MYRIP: variants seen among roughly 807,000 people sequenced by gnomAD.
MYRIP encodes rab effector MyRIP.
Under a neutral mutation model 98.0 loss-of-function variants are expected in MYRIP, and 49 were observed. The ratio of observed to expected loss-of-function variants is 0.50; its 90% CI spans 0.40 to 0.63. The LOEUF is 0.63. Among genes scored for constraint, MYRIP ranks in the 30% least tolerant of loss-of-function variants. The probability of loss-of-function intolerance (pLI) is 0.00; values close to 1 mark genes in which losing one functional copy is unlikely to be tolerated. For synonymous variants in MYRIP, 404 were observed against 409.5 expected (o/e 0.99, Z 0.16); for missense variants, 1,004 against 1,058.2 (o/e 0.95, Z 0.71).
At chr3:39,884,716 A>G (rs1012424649) in intron 1 of MYRIP, among the ~76,000 whole-genome samples, 1 of 152,018 alleles carries the variant, frequency 6.6e-6, no homozygotes. Context: ...AAGTTCTTGA[A>G]GAACTTTCCA....
At chr3:39,883,405 T>C (rs914103853) in intron 1 of MYRIP, among the ~76,000 whole-genome samples, 2 of 152,062 alleles carry the variant, frequency 1.3e-5, no homozygotes, top group East Asian at 3.9e-4. Context: ...CAAGTGTAGA[T>C]GAGAAGAAAT....
rs114971007 is a variant in MYRIP at position 40,000,298 on chromosome 3, G to C, written c.111-43752G>C. Among the ~76,000 whole-genome samples, 833 of 152,112 alleles carry C rather than the reference G, an allele frequency of 5.5e-3. 2 individuals carry two copies. The highest frequency in any genetic ancestry group is 9.4e-3 in the Non-Finnish European group (640 of 67,980). ...ATTTGAGCTATTGTCAAAATATCAC[G>C]CACATGAAGACTGTTCTAAGTGACT... On this transcript the variant is annotated intron_variant, in intron 2 of 16. Transcript: ENST00000302541.
At chr3:40,111,976 G>C (rs1228977795) in intron 3 of MYRIP, among the ~76,000 whole-genome samples, 1 of 152,108 alleles carries the variant, frequency 6.6e-6, no homozygotes, top group Non-Finnish European at 1.5e-5. Flanking sequence ...GATCCCAAAG[G>C]TTCTTTCCTG....
At position 40,151,049 on chromosome 3, in the gene MYRIP, C is replaced by T. The variant is rs1361730588; in HGVS notation, c.334C>T (p.Leu112Phe). The change falls in exon 4 of 17, where the codon CTT becomes TTT. Residue 112 changes from leucine to phenylalanine, a missense_variant and splice_region_variant. Leu to Phe is a conservative substitution (Grantham distance 22, BLOSUM62 0). Coordinates refer to ENST00000302541, the MANE Select transcript of MYRIP (RefSeq NM_015460.4). ...WVCCVCQQAR[L>F]LRAQSLEWFY... is the part of the protein sequence containing the mutation. ...GTTGTCTAATTCTGTTTTCCTCAGG[C>T]TTCTGAGGGCCCAATCTCTGGAATG... 1.0e-5 allele frequency: 16 copies of T among 1,580,550 alleles called. No individual in the cohort carries two copies. The East Asian group carries it at 3.6e-4, about 36-fold the overall frequency.
At chr3:39,904,184 C>T (rs1355195280) in intron 2 of MYRIP, among the ~76,000 whole-genome samples, 1 of 152,112 alleles carries the variant, frequency 6.6e-6, no homozygotes, top group African/African-American at 2.4e-5. Context: ...TAGATCTTTT[C>T]CAAATTCTGC....
intron 2 of MYRIP, among the ~76,000 whole-genome samples, chr3:39,941,048 C>A (rs1284045820): frequency 2.0e-5 from 3 of 152,098 alleles, no homozygotes; most frequent in Non-Finnish European, 4.4e-5. Context: ...TCCTGCCCCA[C>A]ATCATTTACT....
chr3:40,116,825 A>G (rs1199122118), intron 3 of MYRIP, among the ~76,000 whole-genome samples: 4 of 152,222 alleles, frequency 2.6e-5, no homozygotes, highest in Non-Finnish European at 5.9e-5. Context: ...GTTTATGTGG[A>G]GAAGTTAAAG....
intron 2 of MYRIP, among the ~76,000 whole-genome samples, chr3:39,942,892 A>G (rs1348093024): frequency 6.6e-6 from 1 of 152,100 alleles, no homozygotes; most frequent in African/African-American, 2.4e-5. Flanking sequence ...CCCACATATG[A>G]TATGAGTGAG....
At chr3:40,171,086 C>G (rs548001041) in intron 8 of MYRIP, among the ~76,000 whole-genome samples, 2 of 152,086 alleles carry the variant, frequency 1.3e-5, no homozygotes, top group African/African-American at 4.8e-5. Context: ...ATCAGCAGAA[C>G]CTTTCCTTGT....
chr3:39,977,979 A>T lies in MYRIP; in HGVS notation c.111-66071A>T, dbSNP rs1317629453. ...GGTCCTGGTTAGGGTAAATGTCATC[A>T]CATATCCATACAAATAACATCCATT... On this transcript the variant is annotated intron_variant, in intron 2 of 16. Coordinates refer to ENST00000302541, the MANE Select transcript of MYRIP (RefSeq NM_015460.4). 7.9e-5 allele frequency among the ~76,000 whole-genome samples: 12 copies of T among 151,100 alleles called. 1 individual carries two copies. The highest frequency in any genetic ancestry group is 1.8e-4 in the Non-Finnish European group (12 of 67,916).
chr3:39,931,040 C>T (rs1192692938), intron 2 of MYRIP, among the ~76,000 whole-genome samples: 2 of 151,910 alleles, frequency 1.3e-5, no homozygotes, highest in Admixed American at 6.6e-5. Context: ...TAAGTTTATA[C>T]ATTTATGCAA....
At chr3:39,957,759 T>C (rs1004361952) in intron 2 of MYRIP, among the ~76,000 whole-genome samples, 60 of 152,314 alleles carry the variant, frequency 3.9e-4, no homozygotes, top group African/African-American at 1.4e-3. Flanking sequence ...GCAGATGACA[T>C]GATTGTATAT....
chr3:39,872,197 G>C (rs1006497732), intron 1 of MYRIP, among the ~76,000 whole-genome samples: 3 of 151,946 alleles, frequency 2.0e-5, no homozygotes, highest in Admixed American at 1.3e-4. Flanking sequence ...CTTACATAGA[G>C]AAATGTAAAG....
chr3:40,172,401 A>AG (rs1433150623), intron 8 of MYRIP, among the ~76,000 whole-genome samples: 5 of 152,098 alleles, frequency 3.3e-5, no homozygotes, highest in African/African-American at 1.2e-4. Context: ...GCACTGCTAC[A>AG]GGGGGAATGG....
At chr3:40,159,814 C>G (rs1362851886) in intron 4 of MYRIP, among the ~76,000 whole-genome samples, 2 of 152,066 alleles carry the variant, frequency 1.3e-5, no homozygotes, top group African/African-American at 4.8e-5. Context: ...GCATTCTTCA[C>G]GTAGTTCTCG....
At chr3:39,841,051 G>T (rs2125594447) in intron 1 of MYRIP, among the ~76,000 whole-genome samples, 1 of 152,274 alleles carries the variant, frequency 6.6e-6, no homozygotes, top group Non-Finnish European at 1.5e-5. Context: ...ATCCTCAAGT[G>T]TGTTTTCCAA....
At chr3:40,134,866 A>G (rs1949728245) in intron 3 of MYRIP, among the ~76,000 whole-genome samples, 1 of 152,164 alleles carries the variant, frequency 6.6e-6, no homozygotes, top group South Asian at 2.1e-4. Context: ...GGACATCCAC[A>G]CCAAAAACCC....
chr3:39,809,155 C>T (rs1940569188), upstream of MYRIP, among the ~76,000 whole-genome samples: 1 of 152,160 alleles, frequency 6.6e-6, no homozygotes, highest in African/African-American at 2.4e-5. Flanking sequence ...TAGATTCAGG[C>T]AGGCCCCGGA....
chr3:40,031,073 C>T (rs546120519), intron 2 of MYRIP, among the ~76,000 whole-genome samples: 28 of 152,158 alleles, frequency 1.8e-4, no homozygotes, highest in Middle Eastern at 3.4e-3. Context: ...ATATCATAGA[C>T]TGGGTGGCTA....
Sources: allele counts gnomAD v4.1 joint callset (sites outside exome capture counted in the v4.1 genomes callset), GRCh38; gene constraint gnomAD v4.1.1; transcripts MANE v1.5; gene names NCBI Gene and HGNC (gene_info 2026-07-23, HGNC 2026-07-21).